SLC26A3: variants seen among roughly 807,000 people sequenced by gnomAD.
The protein encoded by SLC26A3 is chloride anion exchanger.
SLC26A3 carries 64 observed loss-of-function variants against 85.6 expected under a neutral mutation model. The observed-to-expected ratio is 0.75, with a 90% confidence interval of 0.61 to 0.92. SLC26A3 has a LOEUF of 0.92. Among genes scored for constraint, SLC26A3 ranks in the 40% least tolerant of loss-of-function variants. SLC26A3 has a pLI of 0.00. For missense variants in SLC26A3, 922 were observed against 927.3 expected (o/e 0.99, Z 0.07); for synonymous variants, 349 against 336.0 (o/e 1.04, Z -0.42).
In SLC26A3 at chr7:107,767,897, C is replaced by T. The variant is rs1793942651; in HGVS notation, c.2074G>A (p.Glu692Lys). Residue 692 changes from glutamate (E) to lysine (K), a missense_variant, in exon 19 of 21, where the codon GAG becomes AAG. Transcript: ENST00000340010. ...YIVGTDDDFI[E>K]KLNRYEFFDG... ...AAAAATTCATACCGGTTAAGCTTCT[C>T]AATGAAGTCATCTGAAGAGAAAAAA... is the stretch of plus-strand genomic sequence containing the variant. 2.5e-6 allele frequency: 4 copies of T among 1,613,302 alleles called. No individual in the cohort carries two copies. In the South Asian group the frequency reaches 3.3e-5, roughly 13 times the overall value.
chr7:107,775,817 T>G (rs1037271784), intron 15 of SLC26A3, among the ~76,000 whole-genome samples: 1 of 152,084 alleles, frequency 6.6e-6, no homozygotes, highest in African/African-American at 2.4e-5. Context: ...CAATATAATC[T>G]CATTTTGCAA....
intron 8 of SLC26A3, among the ~76,000 whole-genome samples, chr7:107,784,887 C>A (rs1794268111): frequency 6.6e-6 from 1 of 152,152 alleles, no homozygotes; most frequent in Non-Finnish European, 1.5e-5. Context: ...TTTCAATGAG[C>A]ACTTTTCTTC....
chr7:107,776,760 A>AT, intron 13 of SLC26A3, 54 bp from the exon 14 acceptor site: 1 of 1,516,432 alleles, frequency 6.6e-7, no homozygotes, highest in Non-Finnish European at 9.1e-7. Flanking sequence ...TTAAGCCTAT[A>AT]AGGCTAACAC....
intron 3 of SLC26A3, 105 bp from the exon 4 acceptor site, chr7:107,792,045 C>A: frequency 9.8e-6 from 7 of 712,552 alleles, no homozygotes; most frequent in South Asian, 9.2e-5. Context: ...AAATAAGTTA[C>A]CTCATTAATT....
At chr7:107,765,991 AT>A in intron 20 of SLC26A3, 113 bp from the exon 21 acceptor site, 1 of 838,150 alleles carries the variant, frequency 1.2e-6, no homozygotes, top group Non-Finnish European at 2.0e-6. Flanking sequence ...TTTGTCTTGA[AT>A]TTTAATGATC....
chr7:107,797,372 T>A (rs1794524384), intron 1 of SLC26A3, among the ~76,000 whole-genome samples: 1 of 152,086 alleles, frequency 6.6e-6, no homozygotes, highest in Admixed American at 6.6e-5. Flanking sequence ...CGGGCACCTG[T>A]AATCTGAGTT....
Position 107,794,570 on chromosome 7 carries a change from C to T in SLC26A3, c.-61G>A. 1 of 1,598,130 alleles carries T rather than the reference C, an allele frequency of 6.3e-7. No homozygotes were observed. Among genetic ancestry groups the T allele is most frequent in the Admixed American group, 1.7e-5 (1 of 59,976 alleles). ...CTTTGCAACTATGTGGTGAACACTT[C>T]TTCTTGCCTTTAGCAGGTTAAAAAT... On this transcript the variant is annotated 5_prime_UTR_variant, in exon 2 of 21. Transcript: ENST00000340010.
intron 8 of SLC26A3, among the ~76,000 whole-genome samples, chr7:107,783,953 C>A (rs1794251760): frequency 6.6e-6 from 1 of 152,214 alleles, no homozygotes. Context: ...ACAGGGCGTA[C>A]TTCTGTGCTT....
intron 12 of SLC26A3, among the ~76,000 whole-genome samples, chr7:107,779,092 A>T (rs1221373511): frequency 6.6e-6 from 1 of 152,242 alleles, no homozygotes; most frequent in Non-Finnish European, 1.5e-5. Context: ...GAATTTTAGC[A>T]TGCCAAAAGG....
At chr7:107,770,739 CTT>C (rs1173695056) in intron 18 of SLC26A3, among the ~76,000 whole-genome samples, 1 of 152,154 alleles carries the variant, frequency 6.6e-6, no homozygotes, top group Non-Finnish European at 1.5e-5. Flanking sequence ...TTCAATAAGT[CTT>C]TACTGAATGC....
chr7:107,765,776 G>A lies in SLC26A3; in HGVS notation c.*79C>T. On this transcript the variant is annotated 3_prime_UTR_variant, in exon 21 of 21. Transcript: ENST00000340010. ...CAAAAATACTCTTCGTACAATGTAT[G>A]AACTTATCAATAACTTTCTGGGTAT... 1 of 1,044,542 alleles carries A rather than the reference G, an allele frequency of 9.6e-7. No individual in the cohort carries two copies. 64.7% of individuals were successfully genotyped at this position (1,044,542 alleles called of 1,614,324 possible).
intron 1 of SLC26A3, among the ~76,000 whole-genome samples, chr7:107,796,645 C>T (rs1262076896): frequency 6.6e-6 from 1 of 152,136 alleles, no homozygotes; most frequent in East Asian, 1.9e-4. Flanking sequence ...TTACCAACAA[C>T]ATGGTTGGGG....
intron 20 of SLC26A3, among the ~76,000 whole-genome samples, chr7:107,766,822 TGGG>T (rs1393906668): frequency 1.3e-5 from 2 of 152,000 alleles, no homozygotes; most frequent in Non-Finnish European, 2.9e-5. Context: ...GCAGTCCTGT[TGGG>T]GTCACTTGGT....
chr7:107,794,282 G>T, intron 2 of SLC26A3, 97 bp downstream of exon 2: 1 of 1,363,218 alleles, frequency 7.3e-7, no homozygotes, highest in South Asian at 1.2e-5. Flanking sequence ...GTAGGCTGTG[G>T]ACTAGAGCCA....
chr7:107,799,686 C>T (rs1414166424), intron 1 of SLC26A3, among the ~76,000 whole-genome samples: 1 of 152,166 alleles, frequency 6.6e-6, no homozygotes, highest in Admixed American at 6.5e-5. Context: ...GCACCCGGCC[C>T]AAGGCTTCAA....
chr7:107,767,997 G>T, intron 18 of SLC26A3, 89 bp from the exon 19 acceptor site: 1 of 1,192,110 alleles, frequency 8.4e-7, no homozygotes, highest in Non-Finnish European at 1.2e-6. Flanking sequence ...CCTTCCATTT[G>T]CAAATGTGCG....
intron 8 of SLC26A3, among the ~76,000 whole-genome samples, chr7:107,786,624 A>AT (rs908040384): frequency 6.6e-6 from 1 of 151,794 alleles, no homozygotes; most frequent in Non-Finnish European, 1.5e-5. Flanking sequence ...AAAAAAAAAA[A>AT]AAAAGAACTG....
At chr7:107,787,271 A>G in intron 7 of SLC26A3, 86 bp downstream of exon 7, 6 of 1,467,994 alleles carry the variant, frequency 4.1e-6, no homozygotes, top group Non-Finnish European at 5.7e-6. Context: ...CTGCCCCACT[A>G]AAACTTCCTG....
At chr7:107,782,373 C>A (rs1244183157) in intron 11 of SLC26A3, among the ~76,000 whole-genome samples, 1 of 152,164 alleles carries the variant, frequency 6.6e-6, no homozygotes, top group African/African-American at 2.4e-5. Context: ...TGGAGTTAAA[C>A]CAAAGTTCTA....
Sources: allele counts gnomAD v4.1 joint callset (sites outside exome capture counted in the v4.1 genomes callset), GRCh38; gene constraint gnomAD v4.1.1; transcripts MANE v1.5; gene names NCBI Gene and HGNC (gene_info 2026-07-23, HGNC 2026-07-21).